PNLIP: variants seen among roughly 807,000 people sequenced by gnomAD.
The protein encoded by PNLIP is pancreatic triacylglycerol lipase.
In PNLIP, 49 loss-of-function variants were observed where a neutral mutation model predicts 57.1. The observed-to-expected ratio is 0.86, with a 90% CI of 0.68 to 1.09. The LOEUF (loss-of-function observed/expected upper bound fraction) is 1.09, where lower values mean the gene tolerates loss of function less well. Ranked by LOEUF, PNLIP falls within the 50% of genes least tolerant of loss-of-function variation. The pLI is 0.00. For missense variants in PNLIP, 503 were observed against 570.2 expected (o/e 0.88, Z 1.20); for synonymous variants, 209 against 200.4 (o/e 1.04, Z -0.36).
chr10:116,548,751 G>A (rs1847157539), intron 4 of PNLIP, among the ~76,000 whole-genome samples: 1 of 152,184 alleles, frequency 6.6e-6, no homozygotes, highest in South Asian at 2.1e-4. Context: ...CAACATTATA[G>A]CAACAGATGC....
chr10:116,560,823 C>T (rs1457654161), intron 11 of PNLIP, among the ~76,000 whole-genome samples: 1 of 151,978 alleles, frequency 6.6e-6, no homozygotes, highest in East Asian at 1.9e-4. Context: ...GGTGACCTAC[C>T]CACCTAGGCC....
chr10:116,551,274 T>G, intron 5 of PNLIP, 42 bp downstream of exon 5: 4 of 1,336,030 alleles, frequency 3.0e-6, no homozygotes, highest in Non-Finnish European at 3.9e-6. Context: ...ACACATGGTT[T>G]TCCAGATTAT....
chr10:116,557,233 A>G (rs191473009), intron 9 of PNLIP, among the ~76,000 whole-genome samples: 43 of 152,332 alleles, frequency 2.8e-4, no homozygotes, highest in African/African-American at 9.9e-4. Context: ...AAGCAAACAC[A>G]AAAGCCTCAG....
rs773774916 is a variant in PNLIP at position 116,556,107 on chromosome 10, G to A, written c.919G>A (p.Val307Ile). Reference sequence around the variant, plus strand: ...TGGATTCCCCTGTGCCTCTTACAACGTCTTCACTGCAGTAAGTAGACTCCA... The same window carrying A: ...TGGATTCCCCTGTGCCTCTTACAACATCTTCACTGCAGTAAGTAGACTCCA... ...FAGFPCASYNVFTANKCFPCP... is the reference protein window; with the variant it reads ...FAGFPCASYNIFTANKCFPCP... Residue 307 changes from valine to isoleucine, a missense_variant, in exon 9 of 13, where the codon GTC (valine) becomes ATC (isoleucine). Coordinates refer to ENST00000369221, the MANE Select transcript of PNLIP (RefSeq NM_000936.4). The A allele has an allele frequency of 6.9e-5, 110 of 1,594,368 alleles. No homozygotes were observed. Among genetic ancestry groups the A allele is most frequent in the East Asian group, 2.7e-4 (12 of 44,716 alleles).
intron 4 of PNLIP, among the ~76,000 whole-genome samples, chr10:116,550,100 C>A (rs1847174784): frequency 6.8e-6 from 1 of 147,760 alleles, no homozygotes; most frequent in Non-Finnish European, 1.5e-5. Flanking sequence ...GCTCTGTCCC[C>A]CCGGCTAGAG....
At position 116,548,431 on chromosome 10, in the gene PNLIP, T is replaced by A; in HGVS notation, c.273T>A (p.Ile91=). 1.9e-6 allele frequency: 3 copies of A among 1,614,126 alleles called. No homozygotes were observed. Among genetic ancestry groups the A allele is most frequent in the Non-Finnish European group, 2.5e-6 (3 of 1,179,956 alleles). The change falls in exon 4 of 13, where the codon ATT becomes ATA. Residue 91 remains isoleucine (I), a synonymous_variant. Transcript: ENST00000369221. ...FKTNRKTRFI[I]HGFIDKGEEN... ...CAAATAGAAAAACTCGCTTTATTAT[T>A]CATGGATTCATAGACAAGGGAGAAG...
At chr10:116,550,759 G>A (rs1047324851) in intron 4 of PNLIP, among the ~76,000 whole-genome samples, 2 of 152,136 alleles carry the variant, frequency 1.3e-5, no homozygotes, top group Admixed American at 6.5e-5. Context: ...AAGGGACAAC[G>A]TAGTCTTATG....
chr10:116,558,262 G>GT (rs1847274438), intron 9 of PNLIP, among the ~76,000 whole-genome samples: 1 of 147,630 alleles, frequency 6.8e-6, no homozygotes, highest in African/African-American at 2.5e-5. Flanking sequence ...CAGTGGCGCT[G>GT]TCTTGGCTCA....
chr10:116,553,944 T>TAAA, intron 6 of PNLIP, 106 bp downstream of exon 6: 40 of 402,210 alleles, frequency 9.9e-5, no homozygotes, highest in South Asian at 2.0e-4. Context: ...CCTATCTCCT[T>TAAA]AAAAAAAAAA....
intron 4 of PNLIP, 87 bp downstream of exon 4, chr10:116,548,569 A>T: frequency 7.1e-7 from 1 of 1,413,676 alleles, no homozygotes; most frequent in Non-Finnish European, 9.7e-7. Context: ...CAATGAGGAC[A>T]GTGCTTGGAG....
Position 116,556,101 on chromosome 10 carries a change from TACA to T in PNLIP, c.916_918del (p.Asn306del). 1 of 1,606,684 alleles carries T rather than the reference TACA, an allele frequency of 6.2e-7. No individual in the cohort carries two copies. Among genetic ancestry groups the T allele is most frequent in the Non-Finnish European group, 8.5e-7 (1 of 1,173,210 alleles). ...CTTTGCTGGATTCCCCTGTGCCTCT[TACA>T]ACGTCTTCACTGCAGTAAGTAGACT... On this transcript the variant is annotated inframe_deletion, in exon 9 of 13. Transcript: ENST00000369221.
Position 116,555,234 on chromosome 10 carries a change from C to T in PNLIP, c.628C>T (p.Pro210Ser), listed in dbSNP as rs373869947. Residue 210 changes from proline to serine, a missense_variant, in exon 7 of 13, where the codon CCC (proline) becomes TCC (serine). Coordinates refer to ENST00000369221, the MANE Select transcript of PNLIP (RefSeq NM_000936.4). ...CACACCTGAATTAGTCCGATTGGACCCCAGCGATGCCAAATTTGTGGATGT... is the reference window on the plus strand; with the variant it reads ...CACACCTGAATTAGTCCGATTGGACTCCAGCGATGCCAAATTTGTGGATGT... ...QGTPELVRLD[P>S]SDAKFVDVIH... 6.2e-7 allele frequency: 1 copy of T among 1,613,992 alleles called. No individual in the cohort carries two copies. Among genetic ancestry groups the T allele is most frequent in the African/African-American group, 1.3e-5 (1 of 74,882 alleles).
chr10:116,557,189 A>G (rs1001466365), intron 9 of PNLIP, among the ~76,000 whole-genome samples: 7 of 152,126 alleles, frequency 4.6e-5, no homozygotes, highest in African/African-American at 1.7e-4. Flanking sequence ...CTTCCCCAAT[A>G]CCCAACAATA....
intron 6 of PNLIP, among the ~76,000 whole-genome samples, chr10:116,554,200 C>T (rs777732305): frequency 2.0e-5 from 3 of 152,030 alleles, no homozygotes; most frequent in Non-Finnish European, 4.4e-5. Flanking sequence ...TTAAGGACAT[C>T]GAGAGATTTT....
At chr10:116,561,128 C>A (rs1478673508) in intron 11 of PNLIP, among the ~76,000 whole-genome samples, 1 of 152,048 alleles carries the variant, frequency 6.6e-6, no homozygotes, top group Admixed American at 6.6e-5. Context: ...AATTAGTCTG[C>A]CCACAAAACA....
intron 4 of PNLIP, among the ~76,000 whole-genome samples, chr10:116,550,056 T>A (rs898277811): frequency 2.5e-4 from 33 of 133,874 alleles, no homozygotes; most frequent in African/African-American, 8.8e-4. Context: ...TCAAATTCTT[T>A]TTTTTTTTTT....
chr10:116,548,375 T>A lies in PNLIP; in HGVS notation c.217T>A (p.Ser73Thr), dbSNP rs750081213. Reference sequence around the variant, plus strand: ...GTCTAAACAGGAAGTTGCCGCAGATTCATCAAGCATCAGTGGCTCCAATTT... The same window carrying A: ...GTCTAAACAGGAAGTTGCCGCAGATACATCAAGCATCAGTGGCTCCAATTT... ...PNNFQEVAAD[S>T]SSISGSNFKT... is the part of the protein sequence containing the mutation. Residue 73 changes from serine (S) to threonine (T), a missense_variant, in exon 4 of 13, where the codon TCA becomes ACA. By Grantham distance (58) the Ser-to-Thr change is moderately conservative. Coordinates refer to ENST00000369221, the MANE Select transcript of PNLIP (RefSeq NM_000936.4). 6.2e-7 allele frequency: 1 copy of A among 1,613,992 alleles called. No individual in the cohort carries two copies.
In PNLIP at chr10:116,561,697, C is replaced by T. The variant is rs1847317390; in HGVS notation, c.1334+61C>T. On this transcript the variant is annotated intron_variant, in intron 12 of 12. Coordinates refer to ENST00000369221, the MANE Select transcript of PNLIP (RefSeq NM_000936.4). ...GAGTCTGTGTTTATAGTTCTATTCCCACTAAAAGTCTAATTTAAGTGAAAC... is the reference window on the plus strand; with the variant it reads ...GAGTCTGTGTTTATAGTTCTATTCCTACTAAAAGTCTAATTTAAGTGAAAC... 4 of 1,442,942 alleles carry T rather than the reference C, an allele frequency of 2.8e-6. No individual in the cohort carries two copies. The South Asian group carries it at 5.4e-5, about 20-fold the overall frequency. The allele number at this position is 1,442,942 out of a possible 1,614,324, so 89.4% of individuals were successfully genotyped here.
At position 116,547,358 on chromosome 10, in the gene PNLIP, G is replaced by T. The variant is rs200222049; in HGVS notation, c.111G>T (p.Thr37=). 1 of 1,613,828 alleles carries T rather than the reference G, an allele frequency of 6.2e-7. No homozygotes were observed. The highest frequency in any genetic ancestry group is 1.3e-5 in the African/African-American group (1 of 74,894). The part of the protein sequence containing the change: ...FSDDSPWSGI[T]ERPLHILPWS... ...ATGACTCCCCATGGTCAGGAATTAC[G>T]GAAAGACCCCTCCATATATTGCCTT... The change falls in exon 3 of 13, where the codon ACG becomes ACT. Residue 37 remains threonine (T), a synonymous_variant. Coordinates refer to ENST00000369221, the MANE Select transcript of PNLIP (RefSeq NM_000936.4).
Sources: allele counts gnomAD v4.1 joint callset (sites outside exome capture counted in the v4.1 genomes callset), GRCh38; gene constraint gnomAD v4.1.1; transcripts MANE v1.5; gene names NCBI Gene and HGNC (gene_info 2026-07-23, HGNC 2026-07-21).